The following NAF1 variants were observed in gnomAD, a reference collection of about 807,000 sequenced individuals.
NAF1 encodes the protein H/ACA ribonucleoprotein complex non-core subunit NAF1.
A neutral mutation model predicts 40.6 loss-of-function variants in NAF1; 11 were observed. The observed-to-expected ratio is 0.27, with a 90% CI of 0.17 to 0.45. NAF1 has a LOEUF of 0.45. Among genes scored for constraint, NAF1 ranks in the 20% least tolerant of loss-of-function variants. The pLI is 1.00. For missense variants in NAF1, 607 were observed against 611.1 expected, an observed-to-expected ratio of 0.99 and a Z score of 0.07; for synonymous variants, 260 against 228.5, an observed-to-expected ratio of 1.14 and a Z score of -1.24.
chr4:163,109,323 G>A (rs559809617), downstream of NAF1, among the ~76,000 whole-genome samples: 1 of 151,628 alleles, frequency 6.6e-6, no homozygotes. Flanking sequence ...AATTTATAGA[G>A]AATTTATACC....
In NAF1 at chr4:163,133,275, T is replaced by C; in HGVS notation, c.931-19A>G. ...CTAAGGCCTTGCAGAGAAAAGTATA[T>C]AATAGGTTTATGTTACATGAATTTG... is the stretch of plus-strand genomic sequence containing the variant. On this transcript the variant is annotated intron_variant, in intron 6 of 7. Coordinates refer to ENST00000274054, the MANE Select transcript of NAF1 (RefSeq NM_138386.3). The C allele has an allele frequency of 6.3e-7, 1 of 1,591,344 alleles. No individual in the cohort carries two copies. The highest frequency in any genetic ancestry group is 8.6e-7 in the Non-Finnish European group (1 of 1,160,708).
At chr4:163,106,728 G>C (rs1399684184), downstream of NAF1, among the ~76,000 whole-genome samples, 1 of 152,008 alleles carries the variant, frequency 6.6e-6, no homozygotes, top group Non-Finnish European at 1.5e-5. Flanking sequence ...TTAATCTTAT[G>C]TTTTCTGAGG....
intron 1 of NAF1, among the ~76,000 whole-genome samples, chr4:163,165,172 A>G (rs888611540): frequency 3.9e-5 from 6 of 152,208 alleles, no homozygotes; most frequent in African/African-American, 1.4e-4. Flanking sequence ...AATGGCCTAT[A>G]CACCCACACT....
downstream of NAF1, among the ~76,000 whole-genome samples, chr4:163,127,424 C>A (rs1730698305): frequency 6.6e-6 from 1 of 152,062 alleles, no homozygotes; most frequent in South Asian, 2.1e-4. Context: ...GCCACTGCAC[C>A]CGGCCGAAAT....
intron 2 of NAF1, among the ~76,000 whole-genome samples, chr4:163,152,361 G>GTTC (rs940297363): frequency 1.3e-5 from 2 of 152,204 alleles, no homozygotes; most frequent in African/African-American, 4.8e-5. Context: ...AAGTCCTGAT[G>GTTC]TTCTGCTCTA....
intron 2 of NAF1, among the ~76,000 whole-genome samples, chr4:163,158,702 C>T (rs556345118): frequency 6.6e-6 from 1 of 152,224 alleles, no homozygotes; most frequent in South Asian, 2.1e-4. Context: ...TATAGTCCAT[C>T]TCAATAAGAA....
intron 4 of NAF1, among the ~76,000 whole-genome samples, chr4:163,143,509 G>A (rs1453168001): frequency 1.3e-5 from 2 of 152,184 alleles, no homozygotes; most frequent in African/African-American, 4.8e-5. Flanking sequence ...AAGGGAGAAT[G>A]AGCTGTACTC....
At chr4:163,142,709 C>T (rs923438630) in intron 4 of NAF1, among the ~76,000 whole-genome samples, 2 of 152,166 alleles carry the variant, frequency 1.3e-5, no homozygotes, top group African/African-American at 2.4e-5. Context: ...TACAGGAAAA[C>T]TTGACCAAGT....
intron 2 of NAF1, among the ~76,000 whole-genome samples, chr4:163,163,269 C>T (rs765696258): frequency 2.6e-5 from 4 of 151,978 alleles, no homozygotes; most frequent in Non-Finnish European, 5.9e-5. Flanking sequence ...AGTTATAAAG[C>T]ATAAGCGAGA....
intron 2 of NAF1, among the ~76,000 whole-genome samples, chr4:163,154,166 C>T (rs1179042660): frequency 6.6e-6 from 1 of 152,224 alleles, no homozygotes; most frequent in Non-Finnish European, 1.5e-5. Context: ...CGAAGGTCTG[C>T]GGCTTCATTC....
chr4:163,113,665 G>A (rs1169983886), intron 2 of NAF1, among the ~76,000 whole-genome samples: 1 of 152,114 alleles, frequency 6.6e-6, no homozygotes, highest in African/African-American at 2.4e-5. Flanking sequence ...CCCAGGTTGT[G>A]GATTAGGATT....
intron 4 of NAF1, 47 bp from the exon 5 acceptor site, chr4:163,140,430 T>A: frequency 6.7e-7 from 1 of 1,503,214 alleles, no homozygotes; most frequent in South Asian, 1.2e-5. Context: ...AAATAACTAT[T>A]TGAAAAGTCA....
intron 3 of NAF1, among the ~76,000 whole-genome samples, chr4:163,147,804 G>A (rs1408727902): frequency 6.6e-6 from 1 of 152,116 alleles, no homozygotes; most frequent in Non-Finnish European, 1.5e-5. Flanking sequence ...TTCCACATGT[G>A]GTTAGAGTGA....
chr4:163,116,381 C>CGT (rs1027314868), intron 2 of NAF1, among the ~76,000 whole-genome samples: 3 of 151,448 alleles, frequency 2.0e-5, no homozygotes, highest in East Asian at 1.9e-4. Context: ...TATTTTTGTT[C>CGT]GTGTGTGTGT....
intron 2 of NAF1, among the ~76,000 whole-genome samples, chr4:163,150,149 G>A (rs1467341594): frequency 2.0e-5 from 3 of 152,058 alleles, no homozygotes; most frequent in African/African-American, 7.2e-5. Context: ...CCCTGGTTTT[G>A]TATTTTCTAT....
intron 4 of NAF1, among the ~76,000 whole-genome samples, chr4:163,144,830 T>C (rs1226764650): frequency 1.3e-5 from 2 of 152,150 alleles, no homozygotes; most frequent in Non-Finnish European, 2.9e-5. Context: ...TCAAATGTAG[T>C]GGGAAATACA....
At chr4:163,136,091 C>T (rs892160160) in intron 6 of NAF1, 6 of 152,036 alleles carry the variant, frequency 3.9e-5, no homozygotes, top group African/African-American at 1.4e-4. Flanking sequence ...TGATTCATAC[C>T]TCAGTAAAAT....
intron 2 of NAF1, among the ~76,000 whole-genome samples, chr4:163,153,337 A>C (rs1033729332): frequency 3.3e-5 from 5 of 152,130 alleles, no homozygotes; most frequent in Non-Finnish European, 7.3e-5. Context: ...GGATGTGGAG[A>C]GTCTCTATAT....
intron 1 of NAF1, among the ~76,000 whole-genome samples, chr4:163,165,511 A>G (rs1295947993): frequency 1.3e-5 from 2 of 152,176 alleles, no homozygotes; most frequent in African/African-American, 4.8e-5. Flanking sequence ...CCTTGTTTAC[A>G]GTTGTTACTT....
Sources: allele counts gnomAD v4.1 joint callset (sites outside exome capture counted in the v4.1 genomes callset), GRCh38; gene constraint gnomAD v4.1.1; transcripts MANE v1.5; gene names NCBI Gene and HGNC (gene_info 2026-07-23, HGNC 2026-07-21).